KCNAB1: variants seen among roughly 807,000 people sequenced by gnomAD.
KCNAB1 encodes the protein potassium voltage-gated channel subfamily A regulatory beta subunit 1, also known as voltage-gated potassium channel subunit beta-1.
In KCNAB1, 35 loss-of-function variants were observed where a neutral mutation model predicts 64.6. That is an observed-to-expected ratio of 0.54 (90% confidence interval 0.41 to 0.72). The LOEUF is 0.72. KCNAB1 is among the 30% of genes least tolerant of loss of function. The pLI, the probability that KCNAB1 is intolerant of heterozygous loss-of-function variation, is 0.00. For missense variants in KCNAB1, 401 were observed against 512.9 expected (o/e 0.78, Z 2.11); for synonymous variants, 177 against 183.8 (o/e 0.96, Z 0.30).
At chr3:156,516,510 C>G in intron 11 of KCNAB1, 146 bp downstream of exon 11, 1 of 640,596 alleles carries the variant, frequency 1.6e-6, no homozygotes, top group Non-Finnish European at 2.8e-6. Context: ...TTCCCCTAAG[C>G]CTTCTGGAGG....
intron 1 of KCNAB1, among the ~76,000 whole-genome samples, chr3:156,251,752 A>G (rs542506737): frequency 6.6e-6 from 1 of 152,354 alleles, no homozygotes; most frequent in Admixed American, 6.5e-5. Context: ...GCCAAAGAAC[A>G]AGAGGAATCC....
At chr3:156,205,828 C>A (rs1263212322) in intron 1 of KCNAB1, among the ~76,000 whole-genome samples, 2 of 152,186 alleles carry the variant, frequency 1.3e-5, no homozygotes, top group Non-Finnish European at 2.9e-5. Context: ...AGGATAAGAA[C>A]TGAAATCTTT....
intron 8 of KCNAB1, among the ~76,000 whole-genome samples, chr3:156,486,600 AC>A (rs1715233236): frequency 6.6e-6 from 1 of 152,118 alleles, no homozygotes; most frequent in Non-Finnish European, 1.5e-5. Context: ...TCTTGGTGGC[AC>A]CACTGGGGGA....
intron 1 of KCNAB1, among the ~76,000 whole-genome samples, chr3:156,209,428 T>G (rs1212933642): frequency 6.6e-6 from 1 of 152,234 alleles, no homozygotes; most frequent in African/African-American, 2.4e-5. Context: ...TGTACAATGC[T>G]TACCTTAATT....
At chr3:156,152,995 A>G (rs1490201200) in intron 1 of KCNAB1, among the ~76,000 whole-genome samples, 1 of 152,164 alleles carries the variant, frequency 6.6e-6, no homozygotes, top group Non-Finnish European at 1.5e-5. Flanking sequence ...TGTCTCTCTC[A>G]CTGGAATGTG....
At chr3:156,346,397 A>G (rs1724483286) in intron 1 of KCNAB1, among the ~76,000 whole-genome samples, 1 of 152,202 alleles carries the variant, frequency 6.6e-6, no homozygotes, top group South Asian at 2.1e-4. Context: ...TATGTGGTCT[A>G]TGACAAGTAT....
intron 1 of KCNAB1, among the ~76,000 whole-genome samples, chr3:156,263,197 TTTCTTAAGGTGAC>T (rs1436011263): frequency 6.6e-6 from 1 of 151,968 alleles, no homozygotes; most frequent in African/African-American, 2.4e-5. Flanking sequence ...TCTTTTTTAG[TTTCTTAAGGTGAC>T]AGCTTAAGGT....
intron 1 of KCNAB1, among the ~76,000 whole-genome samples, chr3:156,329,035 C>A (rs892228885): frequency 2.0e-5 from 3 of 152,140 alleles, no homozygotes; most frequent in Non-Finnish European, 2.9e-5. Context: ...TGGGAAGTTA[C>A]AGTGCGGTTT....
intron 1 of KCNAB1, among the ~76,000 whole-genome samples, chr3:156,348,771 C>T (rs184289472): frequency 3.9e-5 from 6 of 152,258 alleles, no homozygotes; most frequent in African/African-American, 1.4e-4. Context: ...GTATCTAGGA[C>T]TGAGGCCTGG....
chr3:156,528,659 G>A (rs1024621415), intron 12 of KCNAB1, among the ~76,000 whole-genome samples: 8 of 152,126 alleles, frequency 5.3e-5, no homozygotes, highest in African/African-American at 1.9e-4. Flanking sequence ...GAAGGCAAAA[G>A]GACATTCCAG....
At chr3:156,132,062 T>A (rs550666231) in intron 1 of KCNAB1, among the ~76,000 whole-genome samples, 1 of 152,320 alleles carries the variant, frequency 6.6e-6, no homozygotes, top group African/African-American at 2.4e-5. Flanking sequence ...GGAAGAGAAG[T>A]GGGCATGGTG....
chr3:156,519,760 G>A (rs1304030580), intron 11 of KCNAB1, among the ~76,000 whole-genome samples: 1 of 152,126 alleles, frequency 6.6e-6, no homozygotes. Context: ...TATAAATGAG[G>A]CCAGGAGCAG....
At chr3:156,136,721 G>A (rs1714366552) in intron 1 of KCNAB1, among the ~76,000 whole-genome samples, 1 of 152,226 alleles carries the variant, frequency 6.6e-6, no homozygotes, top group Non-Finnish European at 1.5e-5. Context: ...TGGCCACATT[G>A]TGCACTTTTG....
rs571128061 is a variant in KCNAB1, at chr3:156,197,056, T to C, written c.275+76170T>C. 2.6e-5 allele frequency among the ~76,000 whole-genome samples: 4 copies of C among 152,336 alleles called. No individual in the cohort carries two copies. In the East Asian group the frequency reaches 7.7e-4, roughly 29 times the overall value. ...AAGGCCTTTTCTGCATCTATTGAGATAATCATGTGGTTTTTGTCATTGGCT... is the reference window on the plus strand; with the variant it reads ...AAGGCCTTTTCTGCATCTATTGAGACAATCATGTGGTTTTTGTCATTGGCT... On this transcript the variant is annotated intron_variant, in intron 1 of 13. Coordinates refer to ENST00000490337, the MANE Select transcript of KCNAB1 (RefSeq NM_172160.3).
intron 1 of KCNAB1, chr3:156,292,069 G>A (rs138625130): frequency 2.5e-6 from 4 of 1,614,126 alleles, no homozygotes; most frequent in East Asian, 2.2e-5. Context: ...GGACGTTCAC[G>A]CCTCAGCATC....
chr3:156,149,557 G>A (rs760403311), intron 1 of KCNAB1, among the ~76,000 whole-genome samples: 106 of 152,196 alleles, frequency 7.0e-4, no homozygotes, highest in Non-Finnish European at 1.4e-3. Context: ...CCTCTCTGTG[G>A]GTTCTGTCAC....
At chr3:156,176,640 T>A in intron 1 of KCNAB1, 1 of 1,028,598 alleles carries the variant, frequency 9.7e-7, no homozygotes, top group South Asian at 1.3e-5. Flanking sequence ...CACAACAATA[T>A]CAGTCGGTCA....
At chr3:156,215,762 T>A (rs1213048766) in intron 1 of KCNAB1, 1 of 152,158 alleles carries the variant, frequency 6.6e-6, no homozygotes, top group Non-Finnish European at 1.5e-5. Context: ...AAGGGAAGGA[T>A]CAGAGAGAGG....
chr3:156,304,965 C>T (rs571316834), intron 1 of KCNAB1, among the ~76,000 whole-genome samples: 9 of 151,222 alleles, frequency 6.0e-5, no homozygotes, highest in Non-Finnish European at 8.8e-5. Context: ...GTGTGATGTG[C>T]GCTAAGGTGC....
Sources: allele counts gnomAD v4.1 joint callset (sites outside exome capture counted in the v4.1 genomes callset), GRCh38; gene constraint gnomAD v4.1.1; transcripts MANE v1.5; gene names NCBI Gene and HGNC (gene_info 2026-07-23, HGNC 2026-07-21).